Variants in BLTP1 observed in about 807,000 individuals in gnomAD.
The protein encoded by BLTP1 is fragile site-associated protein.
At chr4:122,306,700 A>G in the BLTP1 span, 5 of 944,920 alleles carry the variant, frequency 5.3e-6, no homozygotes, top group South Asian at 4.9e-5. Context: ...GTTTAAACAC[A>G]TAAGTCTAAG....
At chr4:122,324,495 T>A in the BLTP1 span, 4 of 1,610,948 alleles carry the variant, frequency 2.5e-6, no homozygotes, top group African/African-American at 5.3e-5. Context: ...AAAGCATTTC[T>A]GCTTCTGGAA....
chr4:122,336,846 T>C, the BLTP1 span: 1 of 1,572,816 alleles, frequency 6.4e-7, no homozygotes. Context: ...TTGCCTTTGA[T>C]CTAATAATAA....
At chr4:122,176,755 A>C in the BLTP1 span, among the ~76,000 whole-genome samples, 1 of 152,188 alleles carries the variant, frequency 6.6e-6, no homozygotes, top group African/African-American at 2.4e-5. Context: ...AAATATTTAG[A>C]AGATGTAATT....
At chr4:122,202,204 T>C in the BLTP1 span, among the ~76,000 whole-genome samples, 2 of 152,112 alleles carry the variant, frequency 1.3e-5, no homozygotes, top group Non-Finnish European at 2.9e-5. Flanking sequence ...TGAACCAATG[T>C]CCCAGTAGTA....
At chr4:122,349,307 A>C in the BLTP1 span, 3 of 1,612,064 alleles carry the variant, frequency 1.9e-6, no homozygotes, top group Non-Finnish European at 2.5e-6. This position sits in a 1 kb window ranked among gnomAD's most constrained non-coding sequence, Gnocchi z 4.5. Flanking sequence ...AATGCTTTGG[A>C]GATGGTTGGT....
At chr4:122,349,210 C>A in the BLTP1 span, 5 of 1,612,576 alleles carry the variant, frequency 3.1e-6, no homozygotes, top group Admixed American at 5.0e-5. The surrounding 1 kb of genome is among the most constrained non-coding windows in gnomAD (Gnocchi z 4.5). Context: ...AGGAAGTAAT[C>A]GTGATCGAGA....
chr4:122,292,895 G>T, the BLTP1 span: 1 of 199,618 alleles, frequency 5.0e-6, no homozygotes, highest in African/African-American at 2.4e-5. Context: ...GGAAAATTGG[G>T]GTACCTAACT....
At chr4:122,273,489 A>T in the BLTP1 span, 104 of 606,478 alleles carry the variant, frequency 1.7e-4, no homozygotes, top group East Asian at 1.8e-3. Context: ...GTTGATATTT[A>T]AAAAAAAAAA....
chr4:122,220,537 A>G, the BLTP1 span: 23 of 1,320,792 alleles, frequency 1.7e-5, no homozygotes, highest in South Asian at 2.3e-4. Context: ...GGTTAAAACA[A>G]TGTATTAGCT....
At chr4:122,338,181 G>A in the BLTP1 span, among the ~76,000 whole-genome samples, 5 of 151,968 alleles carry the variant, frequency 3.3e-5, no homozygotes, top group Admixed American at 2.0e-4. Context: ...GGGTGCAGTG[G>A]CTCACACCTG....
chr4:122,165,300 C>T, the BLTP1 span, among the ~76,000 whole-genome samples: 3 of 151,872 alleles, frequency 2.0e-5, 1 homozygote, highest in South Asian at 6.2e-4. Flanking sequence ...TCAATTCCCA[C>T]CTATGAGTGA....
chr4:122,230,774 C>T, the BLTP1 span, among the ~76,000 whole-genome samples: 1 of 152,046 alleles, frequency 6.6e-6, no homozygotes, highest in Non-Finnish European at 1.5e-5. Flanking sequence ...CCCATCTTCC[C>T]CATTGTATAT....
the BLTP1 span, chr4:122,355,880 G>C: frequency 6.2e-7 from 1 of 1,612,920 alleles, no homozygotes; most frequent in East Asian, 2.2e-5. Flanking sequence ...AGTGGATTCA[G>C]AGGAGGTTCT....
chr4:122,155,717 A>G, the BLTP1 span, among the ~76,000 whole-genome samples: 1 of 152,168 alleles, frequency 6.6e-6, no homozygotes, highest in Non-Finnish European at 1.5e-5. Context: ...TAATTTGAGA[A>G]AATTTTGAGG....
At chr4:122,187,927 G>T in the BLTP1 span, 18 of 1,582,040 alleles carry the variant, frequency 1.1e-5, no homozygotes, top group Non-Finnish European at 1.4e-5. Context: ...ACTACCAGCC[G>T]CAAACTCTGT....
At chr4:122,207,055 T>C in the BLTP1 span, 1 of 1,514,702 alleles carries the variant, frequency 6.6e-7, no homozygotes, top group Admixed American at 2.1e-5. Flanking sequence ...TGTGTTTTAC[T>C]TTTCTGAGTT....
the BLTP1 span, among the ~76,000 whole-genome samples, chr4:122,252,955 G>C: frequency 4.6e-5 from 7 of 152,226 alleles, no homozygotes; most frequent in Non-Finnish European, 8.8e-5. Flanking sequence ...AGCACACACA[G>C]AGAGAGACTC....
At chr4:122,254,385 T>C in the BLTP1 span, 1 of 1,478,258 alleles carries the variant, frequency 6.8e-7, no homozygotes, top group South Asian at 1.2e-5. Flanking sequence ...CGCTTGATGT[T>C]TCTTTATTTT....
chr4:122,329,511 T>C, the BLTP1 span, among the ~76,000 whole-genome samples: 1 of 151,756 alleles, frequency 6.6e-6, no homozygotes, highest in African/African-American at 2.4e-5. Flanking sequence ...ATAGGAAATA[T>C]TACTTTATAG....
Sources: allele counts gnomAD v4.1 joint callset (sites outside exome capture counted in the v4.1 genomes callset), GRCh38; gene constraint gnomAD v4.1.1; non-coding constraint Gnocchi (gnomAD v3.1); transcripts MANE v1.5; gene names NCBI Gene and HGNC (gene_info 2026-07-23, HGNC 2026-07-21).